Variants in EPC1 observed in about 807,000 individuals in gnomAD.
EPC1 encodes the protein enhancer of polycomb homolog 1.
In EPC1, 12 loss-of-function variants were observed where a neutral mutation model predicts 98.4. That is an observed-to-expected ratio of 0.12 (90% CI 0.08 to 0.20). The LOEUF (loss-of-function observed/expected upper bound fraction) is 0.20. Ranked by LOEUF, EPC1 falls within the 10% of genes least tolerant of loss-of-function variation. The probability of loss-of-function intolerance (pLI) is 1.00; values close to 1 mark genes in which losing one functional copy is unlikely to be tolerated. For synonymous variants in EPC1, 357 were observed against 363.9 expected, an observed-to-expected ratio of 0.98 and a Z score of 0.21; for missense variants, 729 against 990.5, an observed-to-expected ratio of 0.74 and a Z score of 3.54.
chr10:32,359,447 A>G (rs1252601613), intron 1 of EPC1, among the ~76,000 whole-genome samples: 1 of 152,202 alleles, frequency 6.6e-6, no homozygotes, highest in African/African-American at 2.4e-5. Flanking sequence ...AATACACTGA[A>G]TTTTAATTAA....
intron 1 of EPC1, among the ~76,000 whole-genome samples, chr10:32,337,741 C>T (rs774688602): frequency 6.6e-6 from 1 of 152,196 alleles, no homozygotes; most frequent in Admixed American, 6.5e-5. Context: ...TCTTTCATAG[C>T]AGAGCTATTC....
intron 1 of EPC1, chr10:32,345,025 C>T: frequency 5.7e-6 from 3 of 523,560 alleles, no homozygotes; most frequent in Non-Finnish European, 4.9e-6. Context: ...AAATTAATTT[C>T]CAGGGCAGGG....
chr10:32,306,226 G>A (rs1218739481), intron 1 of EPC1, among the ~76,000 whole-genome samples: 6 of 152,260 alleles, frequency 3.9e-5, no homozygotes, highest in Admixed American at 6.5e-5. Flanking sequence ...TGCATTTTAC[G>A]GATGAGACGT....
chr10:32,320,191 GT>G (rs374061587), intron 1 of EPC1, among the ~76,000 whole-genome samples: 130 of 145,234 alleles, frequency 9.0e-4, no homozygotes, highest in South Asian at 2.1e-3. Flanking sequence ...AATAATGGTT[GT>G]TTTTTTTTTT....
At chr10:32,333,270 G>A (rs1837749718) in intron 1 of EPC1, among the ~76,000 whole-genome samples, 2 of 152,166 alleles carry the variant, frequency 1.3e-5, no homozygotes, top group Non-Finnish European at 2.9e-5. Context: ...AACCTGGGAG[G>A]CGGAGGTTGC....
At chr10:32,346,663 A>C in intron 1 of EPC1, 100 bp downstream of exon 1, 1 of 1,168,278 alleles carries the variant, frequency 8.6e-7, no homozygotes, top group South Asian at 1.4e-5. Context: ...GGCGAAGAGA[A>C]GATGGCGGCC....
chr10:32,287,064 C>T, intron 7 of EPC1, 34 bp downstream of exon 7: 1 of 1,613,742 alleles, frequency 6.2e-7, no homozygotes, highest in South Asian at 1.1e-5. Context: ...TTCCTACATC[C>T]CTCCTCAATG....
intron 1 of EPC1, among the ~76,000 whole-genome samples, chr10:32,372,546 C>T (rs1288748889): frequency 2.0e-5 from 3 of 152,022 alleles, no homozygotes; most frequent in Non-Finnish European, 4.4e-5. Flanking sequence ...ATGAGATGTT[C>T]CTGAAGAGAG....
At chr10:32,308,560 A>G (rs1036740399) in intron 1 of EPC1, among the ~76,000 whole-genome samples, 1 of 152,196 alleles carries the variant, frequency 6.6e-6, no homozygotes, top group Non-Finnish European at 1.5e-5. Flanking sequence ...CTATAAGAAG[A>G]GATAAAGATC....
At chr10:32,319,007 T>A (rs1447568252) in intron 1 of EPC1, among the ~76,000 whole-genome samples, 1 of 152,184 alleles carries the variant, frequency 6.6e-6, no homozygotes, top group Non-Finnish European at 1.5e-5. Context: ...CCCCTGAATT[T>A]CCTAATCCAC....
intron 1 of EPC1, among the ~76,000 whole-genome samples, chr10:32,373,414 G>A (rs1165253727): frequency 2.6e-5 from 4 of 152,124 alleles, no homozygotes; most frequent in African/African-American, 4.8e-5. Flanking sequence ...ACTCAAGAAT[G>A]TTTATACAAA....
At chr10:32,302,121 A>C (rs75598889) in intron 2 of EPC1, among the ~76,000 whole-genome samples, 1 of 151,744 alleles carries the variant, frequency 6.6e-6, no homozygotes, top group African/African-American at 2.4e-5. Context: ...AAAATACAAA[A>C]AATTAGCCAG....
chr10:32,273,080 G>C, intron 11 of EPC1, 83 bp downstream of exon 11: 1 of 1,614,116 alleles, frequency 6.2e-7, no homozygotes, highest in Non-Finnish European at 8.5e-7. Context: ...TAGATGCAAG[G>C]TTCTATGACA....
chr10:32,347,433 A>C, upstream of EPC1: 1 of 158,924 alleles, frequency 6.3e-6, no homozygotes, highest in Non-Finnish European at 1.4e-5. Context: ...TCACTTTCTC[A>C]CGCTCGCTCC....
At chr10:32,375,734 A>G (rs1260054387) in intron 1 of EPC1, among the ~76,000 whole-genome samples, 1 of 152,058 alleles carries the variant, frequency 6.6e-6, no homozygotes, top group Non-Finnish European at 1.5e-5. Context: ...ATCTGATAAA[A>G]TGGTGTTCAA....
chr10:32,321,492 A>G (rs1836914450), intron 1 of EPC1, among the ~76,000 whole-genome samples: 1 of 152,016 alleles, frequency 6.6e-6, no homozygotes, highest in Non-Finnish European at 1.5e-5. Context: ...AGCTGGTGCT[A>G]CAGGTGCAAC....
intron 1 of EPC1, among the ~76,000 whole-genome samples, chr10:32,346,008 G>A (rs1838759164): frequency 6.6e-6 from 1 of 152,204 alleles, no homozygotes; most frequent in Non-Finnish European, 1.5e-5. Flanking sequence ...AAAAAGTCAG[G>A]GATAGTGGTT....
intron 10 of EPC1, among the ~76,000 whole-genome samples, chr10:32,280,461 C>T (rs980397320): frequency 5.3e-5 from 8 of 151,050 alleles, no homozygotes; most frequent in Admixed American, 6.6e-5. Flanking sequence ...AAAAAAAAGG[C>T]CAGGCACGGT....
chr10:32,337,371 C>T (rs1038622185), intron 1 of EPC1, among the ~76,000 whole-genome samples: 4 of 152,176 alleles, frequency 2.6e-5, no homozygotes, highest in Admixed American at 2.6e-4. Context: ...TTTCCCTAGA[C>T]TTGGAAGTTC....
Sources: gnomAD v4.1 joint callset for allele counts (sites outside exome capture counted in the v4.1 genomes callset) on GRCh38, gnomAD v4.1.1 for gene constraint, MANE v1.5 for transcripts, NCBI Gene and HGNC (gene_info 2026-07-23, HGNC 2026-07-21) for gene names.